The following RXRA variants were observed in gnomAD, a reference collection of about 807,000 sequenced individuals.
The protein encoded by RXRA is retinoid X receptor alpha.
A neutral mutation model predicts 44.5 loss-of-function variants in RXRA; 5 were observed. The observed-to-expected ratio is 0.11, with a 90% CI of 0.06 to 0.24. The LOEUF (loss-of-function observed/expected upper bound fraction) is 0.24. Among genes scored for constraint, RXRA ranks in the 10% least tolerant of loss-of-function variants. The probability of loss-of-function intolerance (pLI) is 1.00; values close to 1 mark genes in which losing one functional copy is unlikely to be tolerated. For missense variants in RXRA, 412 were observed against 646.5 expected, an observed-to-expected ratio of 0.64 and a Z score of 3.93; for synonymous variants, 291 against 271.4, an observed-to-expected ratio of 1.07 and a Z score of -0.71.
rs572558691 is a variant in RXRA at position 134,346,621 on chromosome 9, C to A, written c.28+19962C>A. On this transcript the variant is annotated intron_variant, in intron 1 of 9. Transcript: ENST00000481739. Reference sequence around the variant, plus strand: ...GACCTGCCCTAGGTCCTGGCACTGCCCAGCTTCACATTAGTGGGGGAAAGA... The same window carrying A: ...GACCTGCCCTAGGTCCTGGCACTGCACAGCTTCACATTAGTGGGGGAAAGA... Among the ~76,000 whole-genome samples, 30 of 152,352 alleles carry A rather than the reference C, an allele frequency of 2.0e-4. No individual in the cohort carries two copies. The South Asian group carries it at 4.1e-3, about 21-fold the overall frequency.
chr9:134,438,123 T>C lies in RXRA; in HGVS notation c.*1509T>C. ...GTCCCGTGGACCCAGCCTTTGTCAG[T>C]GGCAGGTGCCTGAACAGAGGGTGGA... is the stretch of plus-strand genomic sequence containing the variant. On this transcript the variant is annotated 3_prime_UTR_variant, in exon 10 of 10. Transcript: ENST00000481739. 6.5e-6 allele frequency: 1 copy of C among 152,868 alleles called. No individual in the cohort carries two copies. Among genetic ancestry groups the C allele is most frequent in the Non-Finnish European group, 1.5e-5 (1 of 68,362 alleles). 9.5% of individuals were successfully genotyped at this position (152,868 alleles called of 1,614,324 possible). A position where few individuals can be genotyped will look rare whatever the true frequency, so the allele number is the denominator to read the frequency against.
intron 1 of RXRA, among the ~76,000 whole-genome samples, chr9:134,369,137 TGGG>T (rs1216933384): frequency 3.8e-5 from 2 of 52,670 alleles, no homozygotes; most frequent in African/African-American, 8.6e-5. Flanking sequence ...GGGTTGTGTG[TGGG>T]GTTATGTGTG....
chr9:134,345,717 T>C (rs1554748700), intron 1 of RXRA, among the ~76,000 whole-genome samples: 3 of 152,198 alleles, frequency 2.0e-5, no homozygotes, highest in African/African-American at 7.2e-5. Flanking sequence ...AAGTTGAAAT[T>C]AGCTGCTGCT....
chr9:134,404,696 C>G (rs1318475600), intron 2 of RXRA: 1 of 152,766 alleles, frequency 6.5e-6, no homozygotes, highest in Admixed American at 6.5e-5. Context: ...AGGCGCCTAC[C>G]CGCCAGGGAC....
intron 1 of RXRA, among the ~76,000 whole-genome samples, chr9:134,350,869 C>T (rs1830213222): frequency 6.6e-6 from 1 of 152,364 alleles, no homozygotes; most frequent in East Asian, 1.9e-4. Context: ...GGTGCCTCCC[C>T]TGCCGCCTTG....
In RXRA at chr9:134,433,610, G is replaced by A. The variant is rs1831567673; in HGVS notation, c.1136-492G>A. Among the ~76,000 whole-genome samples the A allele has an allele frequency of 6.7e-6, 1 of 149,562 alleles. No homozygotes were observed. The highest frequency in any genetic ancestry group is 6.6e-5 in the Admixed American group (1 of 15,114). On this transcript the variant is annotated intron_variant, in intron 8 of 9. Transcript: ENST00000481739. This position sits in a 1 kb window ranked among gnomAD's most constrained non-coding sequence, Gnocchi z 4.2. ...GCCTCTCTGTCCACTCTAGGCTCTT[G>A]AGCCCGGGTCCTGAGCTCAGGACTC...
At chr9:134,354,754 C>T (rs75916195) in intron 1 of RXRA, among the ~76,000 whole-genome samples, 4,000 of 152,356 alleles carry the variant, frequency 0.026, 192 homozygotes, top group African/African-American at 0.092. Context: ...CTCGAAGTCT[C>T]AGATCTGGGC....
At chr9:134,401,506 G>C (rs567979987) in intron 1 of RXRA, 126 bp from the exon 2 acceptor site, 3 of 1,491,168 alleles carry the variant, frequency 2.0e-6, no homozygotes, top group Non-Finnish European at 2.7e-6. Flanking sequence ...CGAGACCCAC[G>C]GGGCCACCTT....
At chr9:134,379,507 C>G (rs1486761798) in intron 1 of RXRA, 2 of 986,324 alleles carry the variant, frequency 2.0e-6, no homozygotes, top group African/African-American at 1.7e-5. Context: ...CACTGACCGT[C>G]TGTGGCAGGC....
chr9:134,326,700 C>CG, intron 1 of RXRA, 41 bp downstream of exon 1: 1 of 488,730 alleles, frequency 2.0e-6, no homozygotes, highest in Non-Finnish European at 2.6e-6. Flanking sequence ...GGCCGGGGGC[C>CG]GGGGGCCGGC....
chr9:134,392,389 G>A (rs926364496), intron 1 of RXRA, among the ~76,000 whole-genome samples: 3 of 152,180 alleles, frequency 2.0e-5, no homozygotes, highest in Non-Finnish European at 4.4e-5. Context: ...TGGCTGGAAA[G>A]CAGCTCTCAG....
chr9:134,431,951 A>G lies in RXRA; in HGVS notation c.1090A>G (p.Lys364Glu), dbSNP rs777367087. Residue 364 changes from lysine (K) to glutamate (E), a missense_variant, in exon 8 of 10, where the codon AAG (lysine) becomes GAG (glutamate). By Grantham distance (56) the Lys-to-Glu change is moderately conservative (BLOSUM62 1). Coordinates refer to ENST00000481739, the MANE Select transcript of RXRA (RefSeq NM_002957.6). ...CAAGATGCGGGACATGCAGATGGAC[A>G]AGACGGAGCTGGGCTGCCTGCGCGC... The part of the protein sequence containing the change: ...VSKMRDMQMD[K>E]TELGCLRAIV... 6 of 1,613,978 alleles carry G rather than the reference A, an allele frequency of 3.7e-6. No homozygotes were observed. The highest frequency in any genetic ancestry group is 5.1e-6 in the Non-Finnish European group (6 of 1,179,938).
At chr9:134,414,197 G>A (rs1445478923) in intron 4 of RXRA, among the ~76,000 whole-genome samples, 5 of 152,364 alleles carry the variant, frequency 3.3e-5, no homozygotes, top group Admixed American at 2.6e-4. Context: ...CAAAACACTC[G>A]CTAATTAATT....
chr9:134,380,034 G>GC (rs1830618401), intron 1 of RXRA: 2 of 985,248 alleles, frequency 2.0e-6, no homozygotes, highest in Admixed American at 1.2e-4. Context: ...CCTTTTCTGT[G>GC]CCCCCTGCCT....
At chr9:134,375,568 G>A (rs1190012856) in intron 1 of RXRA, among the ~76,000 whole-genome samples, 2 of 152,266 alleles carry the variant, frequency 1.3e-5, no homozygotes, top group African/African-American at 4.8e-5. Context: ...TCGGCCTGGC[G>A]GGAGAGCTGG....
rs146502962 is a variant in RXRA at position 134,422,152 on chromosome 9, C to T, written c.910+347C>T. On this transcript the variant is annotated intron_variant, in intron 6 of 9. Transcript: ENST00000481739. ...CTCCCCACTCCTGGGACACACTTCC[C>T]CCTCCTGGGACACACTTCCCCCTCC... is the stretch of plus-strand genomic sequence containing the variant. The T allele has an allele frequency of 1.8e-3, 2,373 of 1,304,376 alleles. 32 individuals carry two copies. The African/African-American group carries it at 0.032, about 17-fold the overall frequency. The allele number at this position is 1,304,376 out of a possible 1,614,324, so 80.8% of individuals were successfully genotyped here. A position where few individuals can be genotyped will look rare whatever the true frequency, so the allele number is the denominator to read the frequency against.
intron 4 of RXRA, among the ~76,000 whole-genome samples, chr9:134,415,610 A>G (rs1831221299): frequency 6.6e-6 from 1 of 151,496 alleles, no homozygotes; most frequent in South Asian, 2.1e-4. Context: ...AGCTTCAGGA[A>G]CCCCTCTGCC....
At chr9:134,414,284 C>T (rs1036940641) in intron 4 of RXRA, among the ~76,000 whole-genome samples, 2 of 152,274 alleles carry the variant, frequency 1.3e-5, no homozygotes, top group Non-Finnish European at 2.9e-5. Flanking sequence ...CAGCAAGGCC[C>T]CTCGCTCAGG....
Position 134,421,914 on chromosome 9 carries a change from TG to T in RXRA, c.910+112del, listed in dbSNP as rs761318514. The T allele has an allele frequency of 6.7e-6, 10 of 1,495,376 alleles. No homozygotes were observed. In the East Asian group the frequency reaches 2.1e-4, roughly 32 times the overall value. 92.6% of individuals were successfully genotyped at this position (1,495,376 alleles called of 1,614,324 possible). A position where few individuals can be genotyped will look rare whatever the true frequency, so the allele number is the denominator to read the frequency against. ...GCACTCCCGGGACACTCCCCTGTCC[TG>T]GGACACTCCCCCCTCCCAGGACCCA... is the stretch of plus-strand genomic sequence containing the variant. On this transcript the variant is annotated intron_variant, in intron 6 of 9. Coordinates refer to ENST00000481739, the MANE Select transcript of RXRA (RefSeq NM_002957.6).
Sources: allele counts gnomAD v4.1 joint callset (sites outside exome capture counted in the v4.1 genomes callset), GRCh38; gene constraint gnomAD v4.1.1; non-coding constraint Gnocchi (gnomAD v3.1); transcripts MANE v1.5; gene names NCBI Gene and HGNC (gene_info 2026-07-23, HGNC 2026-07-21).